The following ESRRG variants were observed in gnomAD, a reference collection of about 807,000 sequenced individuals.
ESRRG encodes the protein estrogen-related receptor gamma.
Under a neutral mutation model 44.0 loss-of-function variants are expected in ESRRG, and 13 were observed. That is an observed-to-expected ratio of 0.30 (90% CI 0.19 to 0.47). ESRRG has a LOEUF of 0.47. ESRRG is among the 20% of genes least tolerant of loss of function. The pLI is 1.00. For synonymous variants in ESRRG, 215 were observed against 214.6 expected (o/e 1.00, Z -0.02); for missense variants, 395 against 580.6 (o/e 0.68, Z 3.29).
At chr1:217,050,345 G>A (rs1024803414) in intron 1 of ESRRG, among the ~76,000 whole-genome samples, 1 of 152,160 alleles carries the variant, frequency 6.6e-6, no homozygotes, top group Non-Finnish European at 1.5e-5. Flanking sequence ...CCCTTCTCCA[G>A]AAAAACTACA....
At chr1:216,807,450 C>T (rs1159020151) in intron 2 of ESRRG, among the ~76,000 whole-genome samples, 2 of 152,016 alleles carry the variant, frequency 1.3e-5, no homozygotes, top group Non-Finnish European at 2.9e-5. Flanking sequence ...TCTGTTCTAA[C>T]TTGTTTCCAT....
intron 1 of ESRRG, among the ~76,000 whole-genome samples, chr1:217,030,539 C>G (rs943521301): frequency 2.0e-5 from 3 of 152,196 alleles, no homozygotes; most frequent in African/African-American, 7.2e-5. Context: ...TACCGCTTAG[C>G]CTTTCTGATC....
At chr1:216,529,734 C>T (rs927689707) in intron 5 of ESRRG, among the ~76,000 whole-genome samples, 4 of 151,964 alleles carry the variant, frequency 2.6e-5, no homozygotes, top group South Asian at 2.1e-4. Context: ...TTTTCCCACA[C>T]GTGAAGTTTA....
intron 3 of ESRRG, among the ~76,000 whole-genome samples, chr1:216,646,128 A>C (rs1036390274): frequency 1.2e-4 from 18 of 152,040 alleles, no homozygotes; most frequent in Admixed American, 7.9e-4. Context: ...TGTTAGTGAA[A>C]ACCTCTGCTT....
At chr1:217,050,252 C>T (rs1235465194) in intron 1 of ESRRG, among the ~76,000 whole-genome samples, 1 of 152,086 alleles carries the variant, frequency 6.6e-6, no homozygotes, top group African/African-American at 2.4e-5. Context: ...TTCTTTGGCC[C>T]AGAGAAGTTG....
At chr1:217,026,912 C>CACACACAGAGAGAGAGAG (rs1255637839) in intron 1 of ESRRG, among the ~76,000 whole-genome samples, 8 of 93,414 alleles carry the variant, frequency 8.6e-5, no homozygotes, top group Admixed American at 3.6e-4. Flanking sequence ...CACACACACA[C>CACACACAGAGAGAGAGAG]AGAGAGAGAG....
chr1:216,590,076 T>G (rs1040846188), intron 3 of ESRRG, among the ~76,000 whole-genome samples: 4 of 151,936 alleles, frequency 2.6e-5, no homozygotes, highest in African/African-American at 9.7e-5. Flanking sequence ...TAAATGCATA[T>G]TCTCCAAGAT....
intron 1 of ESRRG, among the ~76,000 whole-genome samples, chr1:216,983,523 A>AT (rs1053850973): frequency 6.6e-6 from 1 of 151,982 alleles, no homozygotes; most frequent in Non-Finnish European, 1.5e-5. Flanking sequence ...TGATGTACTG[A>AT]TTTTTTTGGT....
intron 2 of ESRRG, among the ~76,000 whole-genome samples, chr1:216,928,999 A>G (rs945599108): frequency 1.3e-5 from 2 of 152,200 alleles, no homozygotes; most frequent in Non-Finnish European, 2.9e-5. Context: ...TTTCAATTTG[A>G]GATGATGAAA....
chr1:216,680,526 C>A (rs1453866911), intron 1 of ESRRG, among the ~76,000 whole-genome samples: 1 of 152,176 alleles, frequency 6.6e-6, no homozygotes. Context: ...ATATCCACAG[C>A]CCACGCATAA....
chr1:217,085,312 G>A (rs1199001258), intron 1 of ESRRG, among the ~76,000 whole-genome samples: 1 of 151,938 alleles, frequency 6.6e-6, no homozygotes, highest in African/African-American at 2.4e-5. Flanking sequence ...AAAAAGCTGT[G>A]TTACTTTCTG....
At chr1:216,954,005 T>C (rs2150103890) in intron 1 of ESRRG, among the ~76,000 whole-genome samples, 1 of 152,240 alleles carries the variant, frequency 6.6e-6, no homozygotes, top group East Asian at 1.9e-4. Flanking sequence ...TATATTACTA[T>C]CATTACTTTA....
chr1:216,746,043 C>T (rs1425720077), intron 2 of ESRRG, among the ~76,000 whole-genome samples: 2 of 152,262 alleles, frequency 1.3e-5, no homozygotes. Context: ...GTATTTTGCT[C>T]AACCTCAAAA....
At chr1:217,103,422 G>A (rs781109140) in intron 1 of ESRRG, among the ~76,000 whole-genome samples, 14 of 151,204 alleles carry the variant, frequency 9.3e-5, no homozygotes, top group Non-Finnish European at 2.1e-4. Flanking sequence ...AAGGTAGGAG[G>A]ATCACTTGAG....
At chr1:217,114,667 CTTTTT>C (rs139701773) in intron 1 of ESRRG, among the ~76,000 whole-genome samples, 4 of 107,252 alleles carry the variant, frequency 3.7e-5, no homozygotes, top group Non-Finnish European at 7.4e-5. Flanking sequence ...CAAAAGATTT[CTTTTT>C]TTTTTTTTTT....
At chr1:217,052,071 T>C (rs1387559421) in intron 1 of ESRRG, among the ~76,000 whole-genome samples, 1 of 152,184 alleles carries the variant, frequency 6.6e-6, no homozygotes, top group Non-Finnish European at 1.5e-5. Context: ...ACACTCAGCC[T>C]ATTTCCCATT....
chr1:216,552,318 T>C (rs2056571500), intron 5 of ESRRG, among the ~76,000 whole-genome samples: 1 of 152,176 alleles, frequency 6.6e-6, no homozygotes, highest in Non-Finnish European at 1.5e-5. Context: ...AAACTGTTAG[T>C]GATAATGATA....
chr1:216,729,189 C>T (rs2088194504), intron 2 of ESRRG, among the ~76,000 whole-genome samples: 1 of 152,160 alleles, frequency 6.6e-6, no homozygotes, highest in Non-Finnish European at 1.5e-5. Context: ...AGCACAATAT[C>T]TGGCCCCAGT....
At chr1:217,114,337 A>C (rs917049752) in intron 1 of ESRRG, among the ~76,000 whole-genome samples, 1 of 151,860 alleles carries the variant, frequency 6.6e-6, no homozygotes, top group Non-Finnish European at 1.5e-5. Context: ...AACACCTTAC[A>C]TTCCTTACAC....
Sources: gnomAD v4.1 joint callset for allele counts (sites outside exome capture counted in the v4.1 genomes callset) on GRCh38, gnomAD v4.1.1 for gene constraint, MANE v1.5 for transcripts, NCBI Gene and HGNC (gene_info 2026-07-23, HGNC 2026-07-21) for gene names.